ABHD12: variants seen among roughly 807,000 people sequenced by gnomAD.
The protein encoded by ABHD12 is abhydrolase domain containing 12, lysophospholipase.
In ABHD12, 43 loss-of-function variants were observed where a neutral mutation model predicts 58.3. That is an observed-to-expected ratio of 0.74 (90% CI 0.58 to 0.95). ABHD12 has a LOEUF of 0.95. Ranked by LOEUF, ABHD12 falls within the 40% of genes least tolerant of loss-of-function variation. The pLI is 0.00. For missense variants in ABHD12, 539 were observed against 537.2 expected, an observed-to-expected ratio of 1.00 and a Z score of -0.03; for synonymous variants, 219 against 211.2, an observed-to-expected ratio of 1.04 and a Z score of -0.32.
chr20:25,369,178 T>C (rs1357641196), intron 1 of ABHD12, among the ~76,000 whole-genome samples: 1 of 152,170 alleles, frequency 6.6e-6, no homozygotes, highest in East Asian at 1.9e-4. Context: ...CATTGTGGTT[T>C]TGATTTCCAT....
chr20:25,389,375 G>A (rs1367967427), intron 1 of ABHD12, among the ~76,000 whole-genome samples: 2 of 152,128 alleles, frequency 1.3e-5, no homozygotes. Flanking sequence ...AAGCAATGAA[G>A]TTGAAATTCT....
At chr20:25,296,184 G>A (rs142243176), downstream of ABHD12, among the ~76,000 whole-genome samples, 58 of 152,254 alleles carry the variant, frequency 3.8e-4, no homozygotes, top group Middle Eastern at 6.8e-3. Context: ...TCTAGAATGC[G>A]GTAGCTTTCC....
At chr20:25,314,153 A>G (rs1341029250) in intron 6 of ABHD12, among the ~76,000 whole-genome samples, 1 of 151,932 alleles carries the variant, frequency 6.6e-6, no homozygotes, top group Non-Finnish European at 1.5e-5. Context: ...TTGTATTTTC[A>G]GTAGAGATGG....
intron 1 of ABHD12, among the ~76,000 whole-genome samples, chr20:25,365,152 G>A (rs536523647): frequency 5.6e-4 from 86 of 152,260 alleles, no homozygotes; most frequent in African/African-American, 1.9e-3. Context: ...TTTGTTTCTA[G>A]CTTAACAATA....
At chr20:25,355,331 G>A (rs1385100540) in intron 1 of ABHD12, among the ~76,000 whole-genome samples, 1 of 151,912 alleles carries the variant, frequency 6.6e-6, no homozygotes, top group Non-Finnish European at 1.5e-5. Flanking sequence ...CCTGTCCCCA[G>A]TTTTAAGGGC....
intron 6 of ABHD12, among the ~76,000 whole-genome samples, chr20:25,311,738 T>C (rs909835841): frequency 6.6e-6 from 1 of 152,172 alleles, no homozygotes; most frequent in Admixed American, 6.5e-5. Flanking sequence ...AGGGTCTCGC[T>C]CTGTCACTCA....
chr20:25,336,903 C>G (rs769798095), intron 2 of ABHD12, among the ~76,000 whole-genome samples: 2 of 152,240 alleles, frequency 1.3e-5, no homozygotes, highest in Non-Finnish European at 2.9e-5. Context: ...AAGGAATGTC[C>G]AATCGCTGCT....
In ABHD12 at chr20:25,320,216, A is replaced by G. The variant is rs1214594132; in HGVS notation, c.525T>C (p.His175=). 2 of 1,613,952 alleles carry G rather than the reference A, an allele frequency of 1.2e-6. No homozygotes were observed. The highest frequency in any genetic ancestry group is 8.5e-7 in the Non-Finnish European group (1 of 1,180,022). The part of the protein sequence containing the change: ...ASSHPIILYL[H]GNAGTRGGDH... ...TCCCTCACCTGGTACCTGCGTTCCC[A>G]TGCAGGTACAGAATGATAGGGTGGC... Residue 175 remains histidine (H), a synonymous_variant, in exon 4 of 13, where the codon CAT becomes CAC. Coordinates refer to ENST00000339157, the MANE Select transcript of ABHD12 (RefSeq NM_001042472.3).
At chr20:25,338,979 C>T in intron 2 of ABHD12, 1 of 1,265,490 alleles carries the variant, frequency 7.9e-7, no homozygotes, top group South Asian at 1.6e-5. Flanking sequence ...ACAGAAAGTC[C>T]TCCAGCTGGG....
intron 1 of ABHD12, among the ~76,000 whole-genome samples, chr20:25,362,489 C>G (rs1047951172): frequency 3.3e-5 from 5 of 150,030 alleles, no homozygotes; most frequent in African/African-American, 7.3e-5. Flanking sequence ...TTGCTTGAAC[C>G]CCGGAAATGG....
chr20:25,296,714 T>C, downstream of ABHD12: 1 of 743,112 alleles, frequency 1.3e-6, no homozygotes, highest in South Asian at 1.9e-5. Context: ...GAAGTGCTCC[T>C]AGTTTCTTGT....
At chr20:25,301,981 G>A (rs2088643602) in intron 12 of ABHD12, among the ~76,000 whole-genome samples, 1 of 152,230 alleles carries the variant, frequency 6.6e-6, no homozygotes, top group African/African-American at 2.4e-5. Flanking sequence ...GTGTGGGTCT[G>A]TACATCCTTT....
intron 1 of ABHD12, among the ~76,000 whole-genome samples, chr20:25,364,949 G>A (rs1464789315): frequency 6.6e-6 from 1 of 152,192 alleles, no homozygotes; most frequent in Non-Finnish European, 1.5e-5. Flanking sequence ...CTTCCCTACG[G>A]AGTGTAGAGT....
chr20:25,385,064 G>A (rs1450928674), intron 1 of ABHD12, among the ~76,000 whole-genome samples: 2 of 152,098 alleles, frequency 1.3e-5, no homozygotes, highest in Non-Finnish European at 1.5e-5. Flanking sequence ...CAGGCCAGGC[G>A]CGGTGGCTCA....
chr20:25,339,573 C>CT, intron 1 of ABHD12: 2 of 1,483,054 alleles, frequency 1.3e-6, no homozygotes, highest in Non-Finnish European at 1.8e-6. Context: ...GTAAGAGGAA[C>CT]TTTTTTTCTT....
intron 12 of ABHD12, among the ~76,000 whole-genome samples, chr20:25,301,724 G>T (rs555526799): frequency 1.3e-5 from 2 of 152,366 alleles, no homozygotes; most frequent in African/African-American, 4.8e-5. Context: ...CTCACCCTCA[G>T]GCTTGGGCTC....
At chr20:25,305,502 A>ACT (rs1399517864) in intron 10 of ABHD12, among the ~76,000 whole-genome samples, 1 of 151,986 alleles carries the variant, frequency 6.6e-6, no homozygotes, top group Non-Finnish European at 1.5e-5. Flanking sequence ...AGCTGGGACT[A>ACT]CAGGCACGAG....
intron 1 of ABHD12, among the ~76,000 whole-genome samples, chr20:25,384,012 G>GGC (rs2090055916): frequency 6.8e-6 from 1 of 147,648 alleles, no homozygotes; most frequent in African/African-American, 2.5e-5. Context: ...CATGGTGGCG[G>GGC]GCGCCCATAG....
chr20:25,371,352 A>G (rs1181172798), intron 1 of ABHD12, among the ~76,000 whole-genome samples: 1 of 152,176 alleles, frequency 6.6e-6, no homozygotes, highest in Non-Finnish European at 1.5e-5. Context: ...TACAACCTGG[A>G]GGCAGCAGCA....
Sources: gnomAD v4.1 joint callset for allele counts (sites outside exome capture counted in the v4.1 genomes callset) on GRCh38, gnomAD v4.1.1 for gene constraint, MANE v1.5 for transcripts, NCBI Gene and HGNC (gene_info 2026-07-23, HGNC 2026-07-21) for gene names.